The following SLC35F2 variants were observed in gnomAD, a reference collection of about 807,000 sequenced individuals.
The protein encoded by SLC35F2 is queuine/queuosine transporter SLC35F2.
A neutral mutation model predicts 38.1 loss-of-function variants in SLC35F2; 25 were observed. The observed-to-expected ratio is 0.66, with a 90% confidence interval of 0.48 to 0.92. The LOEUF is 0.92. Ranked by LOEUF, SLC35F2 falls within the 40% of genes least tolerant of loss-of-function variation. The pLI is 0.00. For missense variants in SLC35F2, 409 were observed against 452.9 expected (o/e 0.90, Z 0.88); for synonymous variants, 173 against 181.7 (o/e 0.95, Z 0.38).
rs370325777 is a variant in SLC35F2 at position 107,829,495 on chromosome 11, T to C, written c.111-13530A>G. Among the ~76,000 whole-genome samples, 13 of 152,044 alleles carry C rather than the reference T, an allele frequency of 8.6e-5. No individual in the cohort carries two copies. In the East Asian group the frequency reaches 2.3e-3, roughly 27 times the overall value. On this transcript the variant is annotated intron_variant, in intron 1 of 7. Coordinates refer to ENST00000525815, the MANE Select transcript of SLC35F2 (RefSeq NM_017515.5). ...TGCCTTCCACCATGCTATGACACAG[T>C]ATGAGGCCCTCACCAGAAGCCAAAC...
At chr11:107,801,383 A>AT (rs1166599869) in intron 7 of SLC35F2, among the ~76,000 whole-genome samples, 39 of 152,164 alleles carry the variant, frequency 2.6e-4, no homozygotes, top group Admixed American at 2.1e-3. Flanking sequence ...GAGTAAAGAG[A>AT]TTTTTTAAAT....
chr11:107,843,865 AAAAATATATATATATATATAT>A lies in SLC35F2; in HGVS notation c.110+14772_110+14792del, dbSNP rs1407035069. Among the ~76,000 whole-genome samples the A allele has an allele frequency of 6.1e-3, 217 of 35,350 alleles. 10 individuals are homozygous for A. Among genetic ancestry groups the A allele is most frequent in the African/African-American group, 0.024 (200 of 8,472 alleles). 23.2% of individuals were successfully genotyped at this position (35,350 alleles called of 152,430 possible). The stretch of plus-strand genomic sequence containing the variant: ...GTATCTTAAAAAAAAAAAAAAAAAA[AAAAATATATATATATATATAT>A]ATATATATATATATATATATATGTA... On this transcript the variant is annotated intron_variant, in intron 1 of 7. Coordinates refer to ENST00000525815, the MANE Select transcript of SLC35F2 (RefSeq NM_017515.5).
At chr11:107,847,810 T>C (rs746587670) in intron 1 of SLC35F2, among the ~76,000 whole-genome samples, 4 of 152,142 alleles carry the variant, frequency 2.6e-5, no homozygotes, top group Non-Finnish European at 5.9e-5. Context: ...AGGTATGGTG[T>C]GCACAAGGGA....
intron 1 of SLC35F2, among the ~76,000 whole-genome samples, chr11:107,851,930 C>T (rs532072471): frequency 6.6e-6 from 1 of 152,168 alleles, no homozygotes; most frequent in African/African-American, 2.4e-5. Context: ...GGGATACATA[C>T]CAGCTTGGGA....
intron 1 of SLC35F2, among the ~76,000 whole-genome samples, chr11:107,824,913 A>C (rs1474602474): frequency 2.0e-5 from 3 of 152,256 alleles, no homozygotes; most frequent in African/African-American, 7.2e-5. Flanking sequence ...GCACCATCCA[A>C]TAGAGTAGCC....
intron 1 of SLC35F2, among the ~76,000 whole-genome samples, chr11:107,816,829 TG>T (rs1178655086): frequency 6.6e-6 from 1 of 152,090 alleles, no homozygotes; most frequent in Non-Finnish European, 1.5e-5. Context: ...AGCTTGGAGC[TG>T]GAAGAAAGGA....
intron 6 of SLC35F2, among the ~76,000 whole-genome samples, chr11:107,804,146 G>C (rs773695420): frequency 1.3e-5 from 2 of 151,938 alleles, no homozygotes; most frequent in Non-Finnish European, 2.9e-5. Context: ...TGCAATCTAA[G>C]TTATTTAATT....
chr11:107,809,592 A>G, intron 3 of SLC35F2: 1 of 704,600 alleles, frequency 1.4e-6, no homozygotes, highest in Non-Finnish European at 1.7e-6. Context: ...AGATCATGCC[A>G]TTGTACTCCA....
chr11:107,821,724 C>T (rs1158065547), intron 1 of SLC35F2: 35 of 648,982 alleles, frequency 5.4e-5, no homozygotes, highest in Non-Finnish European at 6.5e-5. Context: ...GTTTTACTAA[C>T]GGAACCTCCA....
chr11:107,843,737 T>C lies in SLC35F2; in HGVS notation c.110+14921A>G, dbSNP rs13377405. Among the ~76,000 whole-genome samples the C allele has an allele frequency of 7.8e-3, 1,165 of 149,334 alleles. 15 individuals carry two copies. The highest frequency in any genetic ancestry group is 0.027 in the African/African-American group (1,098 of 40,558). ...GTCTAGAGATGCACCCCTGTAGTCCTAGCTACTCTGGAGGCCAAGGCAGGA... is the reference window on the plus strand; with the variant it reads ...GTCTAGAGATGCACCCCTGTAGTCCCAGCTACTCTGGAGGCCAAGGCAGGA... On this transcript the variant is annotated intron_variant, in intron 1 of 7. Coordinates refer to ENST00000525815, the MANE Select transcript of SLC35F2 (RefSeq NM_017515.5).
At chr11:107,828,980 C>T (rs557118652) in intron 1 of SLC35F2, among the ~76,000 whole-genome samples, 52 of 150,540 alleles carry the variant, frequency 3.5e-4, no homozygotes, top group South Asian at 1.5e-3. Flanking sequence ...TGGTGGTGCA[C>T]GCCTGTAGTC....
chr11:107,838,732 G>A (rs753143872), intron 1 of SLC35F2, among the ~76,000 whole-genome samples: 4 of 150,198 alleles, frequency 2.7e-5, no homozygotes, highest in Admixed American at 6.7e-5. Context: ...GGGTTCAAGC[G>A]ATTCTCCTGC....
In SLC35F2 at chr11:107,811,709, C is replaced by G; in HGVS notation, c.372G>C (p.Val124=). 1 of 1,614,030 alleles carries G rather than the reference C, an allele frequency of 6.2e-7. No homozygotes were observed. The highest frequency in any genetic ancestry group is 8.5e-7 in the Non-Finnish European group (1 of 1,179,906). Residue 124 remains valine, a synonymous_variant, in exon 3 of 8, where the codon GTG becomes GTC. Coordinates refer to ENST00000525815, the MANE Select transcript of SLC35F2 (RefSeq NM_017515.5). Reference sequence around the variant, plus strand: ...TTGTGTACTGGTAGGCTCTGACGATCACATAATTAGCTTCCACATCTGCTA... The same window carrying G: ...TTGTGTACTGGTAGGCTCTGACGATGACATAATTAGCTTCCACATCTGCTA... ...LGLADVEANY[V]IVRAYQYTTL...
At chr11:107,843,165 G>A (rs1256410360) in intron 1 of SLC35F2, among the ~76,000 whole-genome samples, 1 of 152,140 alleles carries the variant, frequency 6.6e-6, no homozygotes, top group Non-Finnish European at 1.5e-5. Flanking sequence ...TGAGAGCAAA[G>A]GAAGAGTGAA....
chr11:107,799,895 T>G (rs199586166), intron 7 of SLC35F2, among the ~76,000 whole-genome samples: 1 of 25,660 alleles, frequency 3.9e-5, no homozygotes. Context: ...TTGTTTTTGT[T>G]TTTTTTTTTT....
chr11:107,803,419 G>C lies in SLC35F2; in HGVS notation c.785-264C>G. On this transcript the variant is annotated intron_variant, in intron 6 of 7. Transcript: ENST00000525815. Reference sequence around the variant, plus strand: ...GGTCAGAAAATCCTGCTTATGGTGTGACAGTCCATTGCTCTTAATCACCCC... The same window carrying C: ...GGTCAGAAAATCCTGCTTATGGTGTCACAGTCCATTGCTCTTAATCACCCC... 5 of 985,270 alleles carry C rather than the reference G, an allele frequency of 5.1e-6. No individual in the cohort carries two copies. In the South Asian group the frequency reaches 2.3e-4, roughly 46 times the overall value. The allele number at this position is 985,270 out of a possible 1,614,324, so 61.0% of individuals were successfully genotyped here.
chr11:107,809,266 T>C (rs182485045), intron 3 of SLC35F2, among the ~76,000 whole-genome samples: 49 of 149,344 alleles, frequency 3.3e-4, no homozygotes, highest in Admixed American at 2.2e-3. Flanking sequence ...GGAGGATCAC[T>C]TGAGGTCAGG....
intron 1 of SLC35F2, among the ~76,000 whole-genome samples, chr11:107,841,622 A>C (rs1860013870): frequency 6.6e-6 from 1 of 151,486 alleles, no homozygotes; most frequent in African/African-American, 2.4e-5. Context: ...CAACTTCATT[A>C]GGGATCAGGC....
Position 107,805,260 on chromosome 11 carries a change from C to T in SLC35F2, c.731+99G>A. On this transcript the variant is annotated intron_variant, in intron 5 of 7. Transcript: ENST00000525815. Reference sequence around the variant, plus strand: ...TCTTGCATCCACCTAATACTAATTCCAAATGTGAATTTGGGCCAAATAAAC... The same window carrying T: ...TCTTGCATCCACCTAATACTAATTCTAAATGTGAATTTGGGCCAAATAAAC... 5 of 1,424,948 alleles carry T rather than the reference C, an allele frequency of 3.5e-6. No homozygotes were observed. In the South Asian group the frequency reaches 6.0e-5, roughly 17 times the overall value. The allele number at this position is 1,424,948 out of a possible 1,614,324, so 88.3% of individuals were successfully genotyped here. A position where few individuals can be genotyped will look rare whatever the true frequency, so the allele number is the denominator to read the frequency against.
Sources: allele counts gnomAD v4.1 joint callset (sites outside exome capture counted in the v4.1 genomes callset), GRCh38; gene constraint gnomAD v4.1.1; transcripts MANE v1.5; gene names NCBI Gene and HGNC (gene_info 2026-07-23, HGNC 2026-07-21).